The following PICALM variants were observed in gnomAD, a reference collection of about 807,000 sequenced individuals.
PICALM encodes the protein phosphatidylinositol binding clathrin assembly protein.
PICALM carries 40 observed loss-of-function variants against 80.5 expected under a neutral mutation model. That is an observed-to-expected ratio of 0.50 (90% confidence interval 0.39 to 0.65). The LOEUF (loss-of-function observed/expected upper bound fraction) is 0.65. Ranked by LOEUF, PICALM falls within the 30% of genes least tolerant of loss-of-function variation. PICALM has a pLI of 0.00. For missense variants in PICALM, 676 were observed against 778.9 expected, an observed-to-expected ratio of 0.87 and a Z score of 1.57; for synonymous variants, 288 against 260.3, an observed-to-expected ratio of 1.11 and a Z score of -1.02.
At chr11:86,006,431 T>C (rs1270836290) in intron 8 of PICALM, among the ~76,000 whole-genome samples, 3 of 152,178 alleles carry the variant, frequency 2.0e-5, no homozygotes, top group Non-Finnish European at 4.4e-5. Flanking sequence ...GCAGATCACC[T>C]GAGGTCAGGA....
chr11:86,055,788 T>A (rs2096259470), intron 1 of PICALM, among the ~76,000 whole-genome samples: 1 of 152,188 alleles, frequency 6.6e-6, no homozygotes, highest in African/African-American at 2.4e-5. Context: ...TAAAGGTGCA[T>A]AACCTTGAAT....
chr11:85,959,428 T>C (rs117564362), intron 19 of PICALM, among the ~76,000 whole-genome samples: 15,468 of 151,132 alleles, frequency 0.1, 927 homozygotes, highest in Admixed American at 0.15. Flanking sequence ...AGTTCGAGAG[T>C]TCGAGACTGG....
intron 4 of PICALM, among the ~76,000 whole-genome samples, chr11:86,022,001 C>T (rs190845367): frequency 1.8e-4 from 28 of 152,142 alleles, no homozygotes; most frequent in Admixed American, 6.5e-4. Context: ...TCATGGTTGC[C>T]AGGATCTAGG....
At chr11:86,007,372 T>C in intron 8 of PICALM, 170 bp downstream of exon 8, 1 of 437,564 alleles carries the variant, frequency 2.3e-6, no homozygotes, top group Non-Finnish European at 4.3e-6. Flanking sequence ...AGCAGATCAT[T>C]TTACGTGGTC....
chr11:86,035,730 G>C (rs1170413093), intron 1 of PICALM, among the ~76,000 whole-genome samples: 1 of 151,616 alleles, frequency 6.6e-6, no homozygotes, highest in Non-Finnish European at 1.5e-5. Context: ...ACTACCTGAG[G>C]TCAGGAGTTC....
At chr11:86,011,897 C>G (rs2095403572) in intron 6 of PICALM, among the ~76,000 whole-genome samples, 1 of 146,504 alleles carries the variant, frequency 6.8e-6, no homozygotes, top group East Asian at 2.0e-4. Flanking sequence ...GTTGCCCAGG[C>G]TGGAGTACAA....
chr11:86,019,972 T>C (rs889360651), intron 4 of PICALM, among the ~76,000 whole-genome samples: 1 of 152,180 alleles, frequency 6.6e-6, no homozygotes, highest in Non-Finnish European at 1.5e-5. Context: ...CAGGTCTTCA[T>C]AGCTACAAGG....
intron 1 of PICALM, among the ~76,000 whole-genome samples, chr11:86,036,666 A>G (rs933662907): frequency 6.6e-6 from 1 of 152,222 alleles, no homozygotes; most frequent in African/African-American, 2.4e-5. Context: ...ATCAAATGAC[A>G]CTACAGTCTG....
rs948155369 is a variant in PICALM, at chr11:85,998,269, G to A, written c.1155-1340C>T. 4.6e-5 allele frequency among the ~76,000 whole-genome samples: 7 copies of A among 151,228 alleles called. No homozygotes were observed. The East Asian group carries it at 6.0e-4, about 13-fold the overall frequency. ...TGGGACTACAGGCGCCTGCCACCAC[G>A]CCCGGCTAATTTTTTATATTTTTAG... On this transcript the variant is annotated intron_variant, in intron 11 of 19. Transcript: ENST00000393346.
intron 5 of PICALM, among the ~76,000 whole-genome samples, 168 bp downstream of exon 5, chr11:86,014,702 T>C (rs1248827333): frequency 6.6e-6 from 1 of 152,084 alleles, no homozygotes; most frequent in Non-Finnish European, 1.5e-5. Flanking sequence ...AAAACAGTCA[T>C]AAAAATCAGA....
At chr11:86,064,675 C>T (rs1173970369) in intron 1 of PICALM, among the ~76,000 whole-genome samples, 10 of 142,198 alleles carry the variant, frequency 7.0e-5, no homozygotes, top group Middle Eastern at 8.3e-3. Flanking sequence ...AAAAAGGAGA[C>T]ATTACAGCCA....
At chr11:86,023,520 C>G in intron 3 of PICALM, 1 of 984,766 alleles carries the variant, frequency 1.0e-6, no homozygotes, top group South Asian at 4.7e-5. Flanking sequence ...CACCTCTCAT[C>G]CTTCAAGGCT....
intron 4 of PICALM, among the ~76,000 whole-genome samples, chr11:86,015,702 T>C (rs2095470808): frequency 1.3e-5 from 2 of 152,218 alleles, no homozygotes. Flanking sequence ...GAGCTTATTA[T>C]ATATCACACT....
chr11:85,981,236 T>G lies in PICALM; in HGVS notation c.1680-8A>C, dbSNP rs769741044. On this transcript the variant is annotated splice_polypyrimidine_tract_variant and splice_region_variant and intron_variant, in intron 16 of 19. Coordinates refer to ENST00000393346, the MANE Select transcript of PICALM (RefSeq NM_007166.4). ...TGACTCCAATTTACATCACTTTAAA[T>G]AAACATAAGTGAGAATATTAAATGT... is the stretch of plus-strand genomic sequence containing the variant. 2.0e-5 allele frequency: 28 copies of G among 1,378,892 alleles called. 1 individual carries two copies. Among genetic ancestry groups the G allele is most frequent in the Non-Finnish European group, 2.9e-5 (28 of 966,004 alleles). The allele number at this position is 1,378,892 out of a possible 1,614,324, so 85.4% of individuals were successfully genotyped here.
At chr11:85,994,824 C>G (rs897747017) in intron 12 of PICALM, among the ~76,000 whole-genome samples, 58 of 152,316 alleles carry the variant, frequency 3.8e-4, no homozygotes, top group East Asian at 3.9e-4. Flanking sequence ...ATGCCTCGGC[C>G]TCCCAAGAAG....
intron 11 of PICALM, among the ~76,000 whole-genome samples, chr11:85,997,501 C>T (rs1398183239): frequency 5.9e-5 from 9 of 152,154 alleles, no homozygotes; most frequent in Admixed American, 3.9e-4. Flanking sequence ...GACAGAGTCT[C>T]GCTCTGTCGC....
At position 85,994,775 on chromosome 11, in the gene PICALM, C is replaced by T. The variant is rs796530217; in HGVS notation, c.1258+2051G>A. 3.9e-4 allele frequency among the ~76,000 whole-genome samples: 59 copies of T among 152,334 alleles called. 1 individual carries two copies. Among genetic ancestry groups the T allele is most frequent in the African/African-American group, 1.3e-3 (52 of 41,590 alleles). ...TAGAGTGTGGTGGCACAAATCTCGG[C>T]TCATTGCAATTTCCGCCTCCGGGGT... On this transcript the variant is annotated intron_variant, in intron 12 of 19. Transcript: ENST00000393346.
chr11:86,005,850 T>C (rs777905582), intron 8 of PICALM, among the ~76,000 whole-genome samples: 5 of 151,586 alleles, frequency 3.3e-5, no homozygotes, highest in Non-Finnish European at 5.9e-5. Context: ...AAAGTGTAAA[T>C]AGCTTTGTTT....
chr11:86,029,498 C>CA (rs1248961988), intron 2 of PICALM, among the ~76,000 whole-genome samples: 1 of 152,116 alleles, frequency 6.6e-6, no homozygotes, highest in Non-Finnish European at 1.5e-5. Flanking sequence ...AACACACTAT[C>CA]AAAAAAACAC....
Sources: gnomAD v4.1 joint callset for allele counts (sites outside exome capture counted in the v4.1 genomes callset) on GRCh38, gnomAD v4.1.1 for gene constraint, MANE v1.5 for transcripts, NCBI Gene and HGNC (gene_info 2026-07-23, HGNC 2026-07-21) for gene names.